RBFOX1: variants seen among roughly 807,000 people sequenced by gnomAD.
RBFOX1 encodes RNA binding fox-1 homolog 1.
RBFOX1 carries 8 observed loss-of-function variants against 57.7 expected under a neutral mutation model. The observed-to-expected ratio is 0.14, with a 90% CI of 0.08 to 0.25. RBFOX1 has a LOEUF of 0.25. Ranked by LOEUF, RBFOX1 falls within the 10% of genes least tolerant of loss-of-function variation. The pLI, the probability that RBFOX1 is intolerant of heterozygous loss-of-function variation, is 1.00. For synonymous variants in RBFOX1, 326 were observed against 222.4 expected (o/e 1.47, Z -4.15); for missense variants, 611 against 548.5 (o/e 1.11, Z -1.14).
chr16:6,197,768 A>AT (rs1238711602), intron 1 of RBFOX1, among the ~76,000 whole-genome samples: 1 of 151,648 alleles, frequency 6.6e-6, no homozygotes, highest in African/African-American at 2.4e-5. Flanking sequence ...TCCAATAATT[A>AT]TTTTTTTCTG....
intron 3 of RBFOX1, among the ~76,000 whole-genome samples, chr16:5,773,073 C>T (rs1364362060): frequency 6.6e-6 from 1 of 152,054 alleles, no homozygotes. Context: ...GGGACTTTTG[C>T]TTACAATGAG....
At chr16:5,977,559 C>G (rs561939665) in intron 4 of RBFOX1, among the ~76,000 whole-genome samples, 60 of 152,272 alleles carry the variant, frequency 3.9e-4, no homozygotes, top group Admixed American at 1.3e-3. Context: ...TGACTGTAAG[C>G]TCACCTTTGG....
At chr16:6,347,587 A>T (rs1235720727) in intron 2 of RBFOX1, among the ~76,000 whole-genome samples, 1 of 152,182 alleles carries the variant, frequency 6.6e-6, no homozygotes, top group Non-Finnish European at 1.5e-5. Flanking sequence ...CATAGATGCT[A>T]GCTGGGTGAA....
chr16:7,289,859 C>T (rs931924143), intron 4 of RBFOX1, among the ~76,000 whole-genome samples: 4 of 152,142 alleles, frequency 2.6e-5, no homozygotes, highest in African/African-American at 9.7e-5. Flanking sequence ...TTGCCAAAAG[C>T]CACTCAGCTA....
At chr16:7,291,478 G>T (rs1163594366) in intron 4 of RBFOX1, among the ~76,000 whole-genome samples, 1 of 152,130 alleles carries the variant, frequency 6.6e-6, no homozygotes, top group Non-Finnish European at 1.5e-5. Flanking sequence ...AGATGGAAGA[G>T]TTAAAAATGA....
rs560523169 is a variant in RBFOX1, at chr16:6,583,003, C to T, written c.-63-71600C>T. 1.1e-4 allele frequency among the ~76,000 whole-genome samples: 16 copies of T among 148,708 alleles called. No individual in the cohort carries two copies. The South Asian group carries it at 3.2e-3, about 30-fold the overall frequency. On this transcript the variant is annotated intron_variant, in intron 2 of 15. Transcript: ENST00000550418. ...ACCTCCCTCTTCCTCACTCTTCTCT[C>T]CTCTCCTCTCTTGTCTCTTGCTCGA... is the stretch of plus-strand genomic sequence containing the variant.
At chr16:6,052,880 C>T (rs1331067710) in intron 1 of RBFOX1, among the ~76,000 whole-genome samples, 1 of 150,992 alleles carries the variant, frequency 6.6e-6, no homozygotes, top group Non-Finnish European at 1.5e-5. Flanking sequence ...TAGATGAGAT[C>T]GCTCAAGTAA....
chr16:7,151,814 C>G (rs1362082380), intron 4 of RBFOX1, among the ~76,000 whole-genome samples: 4 of 152,034 alleles, frequency 2.6e-5, no homozygotes, highest in Non-Finnish European at 4.4e-5. Context: ...TCTCATAAGC[C>G]ACATGCAACC....
chr16:6,772,479 ATG>A (rs1368270296), intron 3 of RBFOX1, among the ~76,000 whole-genome samples: 1 of 130,696 alleles, frequency 7.7e-6, no homozygotes, highest in Non-Finnish European at 1.7e-5. Flanking sequence ...TTGTATGTGT[ATG>A]TGTGGGTATG....
chr16:7,505,480 A>C (rs992954602), intron 4 of RBFOX1, among the ~76,000 whole-genome samples: 1 of 152,238 alleles, frequency 6.6e-6, no homozygotes, highest in Non-Finnish European at 1.5e-5. Context: ...AGGGCTAAGC[A>C]CATATTTCCC....
chr16:7,212,101 A>G (rs560308001), intron 4 of RBFOX1, among the ~76,000 whole-genome samples: 57 of 152,264 alleles, frequency 3.7e-4, no homozygotes, highest in African/African-American at 1.2e-3. Context: ...TCAGCGGTCA[A>G]AAGAGAATCA....
At chr16:6,015,116 C>T (rs148811024), upstream of RBFOX1, among the ~76,000 whole-genome samples, 370 of 152,280 alleles carry the variant, frequency 2.4e-3, 1 homozygote, top group Non-Finnish European at 4.1e-3. Context: ...TTCAGCCTCC[C>T]AGACTGATGG....
rs185126087 is a variant in RBFOX1, at chr16:5,562,744, A to G, written c.259-36158A>G. On this transcript the variant is annotated intron_variant, in intron 2 of 2. Transcript: ENST00000585867. ...TGTCCTATATTTTTGTTTTTTTCTG[A>G]TCTGTTCAATCGTTTCAAGAATTAA... Among the ~76,000 whole-genome samples, 353 of 151,710 alleles carry G rather than the reference A, an allele frequency of 2.3e-3. 1 individual carries two copies. Among genetic ancestry groups the G allele is most frequent in the African/African-American group, 8.1e-3 (336 of 41,342 alleles).
In RBFOX1 at chr16:6,355,207, C is replaced by T. The variant is rs533339107; in HGVS notation, c.-64+38150C>T. Among the ~76,000 whole-genome samples the T allele has an allele frequency of 3.0e-4, 46 of 152,220 alleles. No homozygotes were observed. In the South Asian group the frequency reaches 7.5e-3, roughly 25 times the overall value. On this transcript the variant is annotated intron_variant, in intron 2 of 15. Transcript: ENST00000550418. Reference sequence around the variant, plus strand: ...CGTGCAGTCTTGTTACATAGGTATACGTGTGCCATGGTGGTTTGCTGCACT... The same window carrying T: ...CGTGCAGTCTTGTTACATAGGTATATGTGTGCCATGGTGGTTTGCTGCACT...
intron 14 of RBFOX1, among the ~76,000 whole-genome samples, chr16:7,701,017 T>C (rs1414668990): frequency 1.3e-5 from 2 of 152,130 alleles, no homozygotes; most frequent in Non-Finnish European, 2.9e-5. Context: ...CTGTGGCTTC[T>C]CATGTAGGGT....
intron 3 of RBFOX1, among the ~76,000 whole-genome samples, chr16:6,914,615 T>G (rs2072632625): frequency 6.6e-6 from 1 of 151,034 alleles, no homozygotes; most frequent in African/African-American, 2.4e-5. Flanking sequence ...GGCTCACGCC[T>G]CTAATCGCAG....
intron 3 of RBFOX1, among the ~76,000 whole-genome samples, chr16:6,783,441 C>CAAAA (rs34445060): frequency 3.2e-5 from 4 of 125,992 alleles, no homozygotes; most frequent in Non-Finnish European, 5.0e-5. Context: ...ATGAAGCTTG[C>CAAAA]AAAAAAAAAA....
At chr16:5,927,761 C>T (rs1339784484) in intron 4 of RBFOX1, among the ~76,000 whole-genome samples, 8 of 152,156 alleles carry the variant, frequency 5.3e-5, no homozygotes, top group Non-Finnish European at 1.2e-4. Context: ...GAATACTATT[C>T]AGCCTTGAAA....
chr16:7,252,264 T>A (rs1354743705), intron 4 of RBFOX1, among the ~76,000 whole-genome samples: 3 of 152,214 alleles, frequency 2.0e-5, no homozygotes, highest in Admixed American at 1.3e-4. Flanking sequence ...ATTCAAAACT[T>A]TAAATTTTAA....
Sources: allele counts gnomAD v4.1 joint callset (sites outside exome capture counted in the v4.1 genomes callset), GRCh38; gene constraint gnomAD v4.1.1; transcripts MANE v1.5; gene names NCBI Gene and HGNC (gene_info 2026-07-23, HGNC 2026-07-21).